The following CCDC39 variants were observed in gnomAD, a reference collection of about 807,000 sequenced individuals.
CCDC39 encodes the protein coiled-coil domain-containing protein 39.
Under a neutral mutation model 121.0 loss-of-function variants are expected in CCDC39, and 113 were observed. That is an observed-to-expected ratio of 0.93 (90% confidence interval 0.80 to 1.09). The LOEUF (loss-of-function observed/expected upper bound fraction) is 1.09, where lower values mean the gene tolerates loss of function less well. Among genes scored for constraint, CCDC39 ranks in the 50% least tolerant of loss-of-function variants. CCDC39 has a pLI of 0.00. For missense variants in CCDC39, 1,063 were observed against 1,074.7 expected (o/e 0.99, Z 0.15); for synonymous variants, 349 against 352.2 (o/e 0.99, Z 0.10).
intron 12 of CCDC39, among the ~76,000 whole-genome samples, chr3:180,643,012 C>T (rs1316357885): frequency 2.7e-5 from 4 of 150,076 alleles, no homozygotes; most frequent in Admixed American, 6.6e-5. Flanking sequence ...CAGGCTGGAG[C>T]GCAGTGGTGC....
Position 180,654,778 on chromosome 3 carries a change from A to G in CCDC39, c.914T>C (p.Ile305Thr), listed in dbSNP as rs1711543212. The change falls in exon 7 of 20, where the codon ATT (isoleucine) becomes ACT (threonine). Residue 305 changes from isoleucine (I) to threonine (T), a missense_variant. By Grantham distance (89) the Ile-to-Thr change is moderately conservative. Transcript: ENST00000476379. ...TTGACATACCTCACCCTTCAGCTGAATTCTACTAGTTTCATGGTCCTGATA... is the reference window on the plus strand; with the variant it reads ...TTGACATACCTCACCCTTCAGCTGAGTTCTACTAGTTTCATGGTCCTGATA... ...TAYQDHETSR[I>T]QLKGELDSLK... is the part of the protein sequence containing the mutation. The G allele has an allele frequency of 6.2e-7, 1 of 1,607,388 alleles. No individual in the cohort carries two copies. Among genetic ancestry groups the G allele is most frequent in the East Asian group, 2.2e-5 (1 of 44,462 alleles).
chr3:180,664,096 G>T (rs1472322221), intron 1 of CCDC39, 110 bp from the exon 2 acceptor site: 5 of 945,502 alleles, frequency 5.3e-6, no homozygotes, highest in African/African-American at 1.7e-5. Context: ...TAGTCAATTT[G>T]GACTGCTATA....
At position 180,648,366 on chromosome 3, in the gene CCDC39, A is replaced by C; in HGVS notation, c.1168-7T>G. ...TCAGTTGAACATCTACTTCCTGATAATGAGAATTATAGTGATTAATGGAAT... is the reference window on the plus strand; with the variant it reads ...TCAGTTGAACATCTACTTCCTGATACTGAGAATTATAGTGATTAATGGAAT... On this transcript the variant is annotated splice_region_variant and splice_polypyrimidine_tract_variant and intron_variant, in intron 9 of 19. Transcript: ENST00000476379. 6.6e-7 allele frequency: 1 copy of C among 1,513,852 alleles called. No homozygotes were observed. The highest frequency in any genetic ancestry group is 8.9e-7 in the Non-Finnish European group (1 of 1,121,428). The allele number at this position is 1,513,852 out of a possible 1,614,324, so 93.8% of individuals were successfully genotyped here. A position where few individuals can be genotyped will look rare whatever the true frequency, so the allele number is the denominator to read the frequency against.
Position 180,654,770 on chromosome 3 carries a change from T to A in CCDC39, c.922A>T (p.Lys308Ter). 4 of 1,606,028 alleles carry A rather than the reference T, an allele frequency of 2.5e-6. No individual in the cohort carries two copies. In the South Asian group the frequency reaches 4.5e-5, roughly 18 times the overall value. ...QDHETSRIQLKGELDSLKATV... is the reference protein window; with the variant it reads ...QDHETSRIQL ...TTTTTGAGTTGACATACCTCACCCT[T>A]CAGCTGAATTCTACTAGTTTCATGG... Residue 308 changes from lysine to a stop codon, truncating the protein, a stop_gained, in exon 7 of 20, where the codon AAG becomes TAG. Transcript: ENST00000476379. LOFTEE classifies it high-confidence loss of function.
At chr3:180,668,974 A>C (rs1711959869) in intron 1 of CCDC39, among the ~76,000 whole-genome samples, 1 of 152,216 alleles carries the variant, frequency 6.6e-6, no homozygotes, top group Admixed American at 6.5e-5. Context: ...AGTCTCCAAT[A>C]ATTTCTTCTC....
At chr3:180,670,636 T>C (rs1712014248) in intron 1 of CCDC39, among the ~76,000 whole-genome samples, 2 of 139,690 alleles carry the variant, frequency 1.4e-5, no homozygotes, top group African/African-American at 5.7e-5. Context: ...GCCTTTTTTT[T>C]CTCTTTTTTT....
chr3:180,664,032 T>C, intron 1 of CCDC39, 46 bp from the exon 2 acceptor site: 1 of 1,550,168 alleles, frequency 6.5e-7, no homozygotes. Context: ...TATTAAGTTT[T>C]ACCATATGAA....
rs1416110685 is a variant in CCDC39 at position 180,614,138 on chromosome 3, C to A, written c.*783G>T. On this transcript the variant is annotated 3_prime_UTR_variant, in exon 20 of 20. Coordinates refer to ENST00000476379, the MANE Select transcript of CCDC39 (RefSeq NM_181426.2). ...AACTACTACATTTGGCAGTCTACCTCCAACTGTAAATGAAATTTCTATTGC... is the reference window on the plus strand; with the variant it reads ...AACTACTACATTTGGCAGTCTACCTACAACTGTAAATGAAATTTCTATTGC... 3 of 170,214 alleles carry A rather than the reference C, an allele frequency of 1.8e-5. No homozygotes were observed. Among genetic ancestry groups the A allele is most frequent in the Non-Finnish European group, 2.5e-5 (2 of 78,436 alleles). The allele number at this position is 170,214 out of a possible 1,614,324, so 10.5% of individuals were successfully genotyped here.
intron 3 of CCDC39, 39 bp downstream of exon 3, chr3:180,661,822 G>A (rs1464441054): frequency 1.3e-6 from 2 of 1,525,502 alleles, no homozygotes; most frequent in Admixed American, 2.0e-5. Context: ...GGAAGAATGA[G>A]CAGTAGCACA....
At chr3:180,662,572 ATTG>A (rs777668510) in intron 2 of CCDC39, among the ~76,000 whole-genome samples, 6 of 152,222 alleles carry the variant, frequency 3.9e-5, no homozygotes, top group Middle Eastern at 3.4e-3. Context: ...TAAAGCTACC[ATTG>A]TTGGAGGTTT....
At chr3:180,643,013 G>T (rs1029624470) in intron 12 of CCDC39, among the ~76,000 whole-genome samples, 1 of 150,568 alleles carries the variant, frequency 6.6e-6, no homozygotes, top group South Asian at 2.1e-4. Context: ...AGGCTGGAGC[G>T]CAGTGGTGCG....
At chr3:180,675,920 CT>C (rs1274240325) in intron 1 of CCDC39, among the ~76,000 whole-genome samples, 1 of 151,338 alleles carries the variant, frequency 6.6e-6, no homozygotes, top group Non-Finnish European at 1.5e-5. Context: ...AATAAATGTG[CT>C]GGGAAAACCT....
Position 180,654,748 on chromosome 3 carries a change from T to C in CCDC39, c.930+14A>G. The C allele has an allele frequency of 6.3e-7, 1 of 1,583,208 alleles. No homozygotes were observed. Among genetic ancestry groups the C allele is most frequent in the Non-Finnish European group, 8.6e-7 (1 of 1,160,474 alleles). On this transcript the variant is annotated intron_variant, in intron 7 of 19. Coordinates refer to ENST00000476379, the MANE Select transcript of CCDC39 (RefSeq NM_181426.2). ...TCGTGAACATACAAGCCAGTCTTTTTTGAGTTGACATACCTCACCCTTCAG... is the reference window on the plus strand; with the variant it reads ...TCGTGAACATACAAGCCAGTCTTTTCTGAGTTGACATACCTCACCCTTCAG...
chr3:180,651,204 AG>A lies in CCDC39; in HGVS notation c.1167+196del, dbSNP rs138676460. On this transcript the variant is annotated intron_variant, in intron 9 of 19. Transcript: ENST00000476379. Reference sequence around the variant, plus strand: ...GAGCCAGACTTCATCACAAAAAAAAAGAAAAAAGAGAGAGGAGACTGAGAAT... The same window carrying A: ...GAGCCAGACTTCATCACAAAAAAAAAAAAAAAGAGAGAGGAGACTGAGAAT... Among the ~76,000 whole-genome samples the A allele has an allele frequency of 0.03, 4,584 of 151,818 alleles. 196 individuals are homozygous for A. The highest frequency in any genetic ancestry group is 0.11 in the African/African-American group (4,336 of 41,124).
At chr3:180,663,346 T>G (rs1164222404) in intron 2 of CCDC39, among the ~76,000 whole-genome samples, 1 of 152,224 alleles carries the variant, frequency 6.6e-6, no homozygotes, top group African/African-American at 2.4e-5. Flanking sequence ...AATAACCTGC[T>G]GTCTAATACA....
At chr3:180,625,888 A>G (rs773071091) in intron 14 of CCDC39, among the ~76,000 whole-genome samples, 3 of 151,868 alleles carry the variant, frequency 2.0e-5, no homozygotes, top group Non-Finnish European at 2.9e-5. Context: ...GAGTGTATCT[A>G]TTCTCAGGCC....
chr3:180,643,847 C>G (rs1718013728), intron 12 of CCDC39, among the ~76,000 whole-genome samples: 1 of 152,034 alleles, frequency 6.6e-6, no homozygotes, highest in African/African-American at 2.4e-5. Flanking sequence ...TAATTTCATG[C>G]AATGGACTTA....
At chr3:180,632,123 A>C (rs544186015) in intron 13 of CCDC39, among the ~76,000 whole-genome samples, 1 of 152,320 alleles carries the variant, frequency 6.6e-6, no homozygotes, top group Non-Finnish European at 1.5e-5. Context: ...GTGGGAAATA[A>C]GCAAACATGC....
At chr3:180,653,540 AT>A (rs1242175051) in intron 7 of CCDC39, among the ~76,000 whole-genome samples, 3 of 152,212 alleles carry the variant, frequency 2.0e-5, no homozygotes, top group African/African-American at 7.2e-5. Flanking sequence ...GACAGATTCA[AT>A]ACAATATCAA....
Sources: gnomAD v4.1 joint callset for allele counts (sites outside exome capture counted in the v4.1 genomes callset) on GRCh38, gnomAD v4.1.1 for gene constraint, MANE v1.5 for transcripts, NCBI Gene and HGNC (gene_info 2026-07-23, HGNC 2026-07-21) for gene names.